CNTN4: variants seen among roughly 807,000 people sequenced by gnomAD.
The protein encoded by CNTN4 is contactin 4.
In CNTN4, 77 loss-of-function variants were observed where a neutral mutation model predicts 122.5. The ratio of observed to expected loss-of-function variants is 0.63; its 90% CI spans 0.52 to 0.76. The LOEUF is 0.76. CNTN4 is among the 30% of genes least tolerant of loss of function. CNTN4 has a pLI of 0.00. For missense variants in CNTN4, 1,256 were observed against 1,259.1 expected, an observed-to-expected ratio of 1.00 and a Z score of 0.04; for synonymous variants, 512 against 447.0, an observed-to-expected ratio of 1.15 and a Z score of -1.83.
chr3:2,776,345 G>A (rs1259694917), intron 6 of CNTN4, among the ~76,000 whole-genome samples: 1 of 150,192 alleles, frequency 6.7e-6, no homozygotes, highest in African/African-American at 2.5e-5. Flanking sequence ...GAATATTTAG[G>A]TATATTTAAT....
chr3:2,270,306 T>C (rs1336067139), intron 2 of CNTN4, among the ~76,000 whole-genome samples: 3 of 152,072 alleles, frequency 2.0e-5, no homozygotes, highest in African/African-American at 4.8e-5. Flanking sequence ...TACAGGTTTG[T>C]TATATAGGTA....
chr3:2,654,657 T>G (rs6770384), intron 4 of CNTN4, among the ~76,000 whole-genome samples: 2 of 152,304 alleles, frequency 1.3e-5, no homozygotes, highest in Admixed American at 1.3e-4. Context: ...TATCTTTGTT[T>G]AGAAAAGAAA....
At chr3:2,810,004 G>A (rs2092566011) in intron 6 of CNTN4, among the ~76,000 whole-genome samples, 1 of 152,150 alleles carries the variant, frequency 6.6e-6, no homozygotes, top group Admixed American at 6.5e-5. Context: ...TTTCTGTAAA[G>A]TCAAGAAAAT....
intron 3 of CNTN4, among the ~76,000 whole-genome samples, chr3:2,527,366 A>G (rs1272607615): frequency 6.6e-6 from 1 of 152,180 alleles, no homozygotes; most frequent in Admixed American, 6.6e-5. Context: ...AAAAGCTGCC[A>G]TTTTACTCTT....
At chr3:2,298,790 A>T (rs1189041250) in intron 2 of CNTN4, among the ~76,000 whole-genome samples, 1 of 152,018 alleles carries the variant, frequency 6.6e-6, no homozygotes, top group Admixed American at 6.6e-5. Flanking sequence ...TAAGCATGGA[A>T]TGAGTATTGT....
chr3:2,783,103 A>AT (rs768288959), intron 6 of CNTN4, among the ~76,000 whole-genome samples: 3 of 151,438 alleles, frequency 2.0e-5, no homozygotes, highest in African/African-American at 4.9e-5. Flanking sequence ...ACACAGTGAG[A>AT]TTTTCTCTCT....
chr3:2,152,228 C>T (rs1044856958), intron 2 of CNTN4, among the ~76,000 whole-genome samples: 1 of 152,086 alleles, frequency 6.6e-6, no homozygotes, highest in Admixed American at 6.5e-5. Context: ...TAGCAGTAGG[C>T]CCAGCTTGTT....
In CNTN4 at chr3:2,932,029, A is replaced by G. The variant is rs530908781; in HGVS notation, c.1358+6250A>G. 7.9e-4 allele frequency among the ~76,000 whole-genome samples: 118 copies of G among 150,044 alleles called. 1 individual carries two copies. Among genetic ancestry groups the G allele is most frequent in the African/African-American group, 2.7e-3 (110 of 40,886 alleles). The stretch of plus-strand genomic sequence containing the variant: ...CCATGAGAATAGAAATGTGTGCTGC[A>G]TGTGCGTGCATGTGTGTGTGTGGCC... On this transcript the variant is annotated intron_variant, in intron 13 of 24. Coordinates refer to ENST00000418658, the MANE Select transcript of CNTN4 (RefSeq NM_175607.3).
At chr3:2,819,628 T>G in intron 7 of CNTN4, 47 bp downstream of exon 7, 1 of 1,357,080 alleles carries the variant, frequency 7.4e-7, no homozygotes, top group South Asian at 1.2e-5. Flanking sequence ...CTCTGTTATT[T>G]TTCTTCCTCA....
intron 8 of CNTN4, among the ~76,000 whole-genome samples, chr3:2,870,942 C>T (rs1313409721): frequency 6.6e-6 from 1 of 152,142 alleles, no homozygotes; most frequent in African/African-American, 2.4e-5. Flanking sequence ...TGATGAGTCT[C>T]ATGTCTGTTC....
At chr3:2,370,259 C>T (rs2045582217) in intron 3 of CNTN4, among the ~76,000 whole-genome samples, 1 of 151,980 alleles carries the variant, frequency 6.6e-6, no homozygotes, top group South Asian at 2.1e-4. Flanking sequence ...AATACAAGCC[C>T]AGTGTTAGCT....
rs72622137 is a variant in CNTN4, at chr3:2,726,465, A to C, written c.56-9750A>C. Among the ~76,000 whole-genome samples the C allele has an allele frequency of 3.2e-3, 481 of 152,302 alleles. 16 individuals are homozygous for C. In the East Asian group the frequency reaches 0.081, roughly 26 times the overall value. ...GTAGGAGGGTTGGTTCACCAAAGAA[A>C]GAGTAGAATGCTCTTACCTAATGAG... On this transcript the variant is annotated intron_variant, in intron 4 of 24. Coordinates refer to ENST00000418658, the MANE Select transcript of CNTN4 (RefSeq NM_175607.3).
At position 2,375,894 on chromosome 3, in the gene CNTN4, C is replaced by G. The variant is rs557649606; in HGVS notation, c.-89+36661C>G. Among the ~76,000 whole-genome samples, 89 of 151,902 alleles carry G rather than the reference C, an allele frequency of 5.9e-4. No homozygotes were observed. In the Middle Eastern group the frequency reaches 0.014, roughly 23 times the overall value. ...AGATGTTCAACTTGCCCCTTTTATA[C>G]CAGCCTGACATACATCAGTTGAAAG... is the stretch of plus-strand genomic sequence containing the variant. On this transcript the variant is annotated intron_variant, in intron 3 of 24. Transcript: ENST00000418658.
At chr3:2,382,632 A>G (rs2046070295) in intron 3 of CNTN4, among the ~76,000 whole-genome samples, 1 of 152,236 alleles carries the variant, frequency 6.6e-6, no homozygotes, top group African/African-American at 2.4e-5. Context: ...AATTACTGGT[A>G]CATTAGGAAC....
At chr3:2,456,638 A>G (rs1464399572) in intron 3 of CNTN4, among the ~76,000 whole-genome samples, 1 of 152,118 alleles carries the variant, frequency 6.6e-6, no homozygotes, top group Non-Finnish European at 1.5e-5. Context: ...TTCTGTGTCT[A>G]GCTTTTTTCA....
intron 8 of CNTN4, among the ~76,000 whole-genome samples, chr3:2,869,431 G>A (rs781769438): frequency 1.9e-4 from 29 of 152,300 alleles, no homozygotes; most frequent in Non-Finnish European, 1.3e-4. Flanking sequence ...GACAGTGGAA[G>A]AGAAAATCAA....
chr3:2,142,941 C>T (rs1165337534), intron 2 of CNTN4, among the ~76,000 whole-genome samples: 1 of 152,192 alleles, frequency 6.6e-6, no homozygotes, highest in Non-Finnish European at 1.5e-5. Context: ...TACTTTACTT[C>T]TACTCTCCTC....
intron 2 of CNTN4, among the ~76,000 whole-genome samples, chr3:2,298,567 T>A (rs1326460423): frequency 6.6e-6 from 1 of 152,216 alleles, no homozygotes; most frequent in Non-Finnish European, 1.5e-5. Flanking sequence ...TCTCTCCTTT[T>A]CTCTCATACA....
chr3:2,964,479 T>C (rs766307997), intron 13 of CNTN4, among the ~76,000 whole-genome samples: 8 of 152,208 alleles, frequency 5.3e-5, no homozygotes, highest in South Asian at 2.1e-4. Context: ...AGTCTCCTAA[T>C]GTGTAGTTCA....
Sources: gnomAD v4.1 joint callset for allele counts (sites outside exome capture counted in the v4.1 genomes callset) on GRCh38, gnomAD v4.1.1 for gene constraint, MANE v1.5 for transcripts, NCBI Gene and HGNC (gene_info 2026-07-23, HGNC 2026-07-21) for gene names.